RAB8B: variants seen among roughly 807,000 people sequenced by gnomAD.
RAB8B encodes RAB8B, member RAS oncogene family.
In RAB8B, 11 loss-of-function variants were observed where a neutral mutation model predicts 32.0. That is an observed-to-expected ratio of 0.34 (90% CI 0.22 to 0.57). The LOEUF (loss-of-function observed/expected upper bound fraction) is 0.57. RAB8B is among the 20% of genes least tolerant of loss of function. The pLI, the probability that RAB8B is intolerant of heterozygous loss-of-function variation, is 0.86. For synonymous variants in RAB8B, 103 were observed against 89.6 expected (o/e 1.15, Z -0.85); for missense variants, 190 against 258.5 (o/e 0.73, Z 1.82).
At chr15:63,217,530 T>C (rs990551020) in intron 1 of RAB8B, among the ~76,000 whole-genome samples, 2 of 152,254 alleles carry the variant, frequency 1.3e-5, no homozygotes, top group African/African-American at 2.4e-5. Context: ...GAGTCACTTA[T>C]GGCCATTTGA....
chr15:63,236,523 CAG>C (rs2037981614), intron 1 of RAB8B, among the ~76,000 whole-genome samples: 1 of 152,044 alleles, frequency 6.6e-6, no homozygotes, highest in African/African-American at 2.4e-5. Flanking sequence ...CAGGATGACT[CAG>C]GGTCATCATT....
At position 63,255,605 on chromosome 15, in the gene RAB8B, G is replaced by C. The variant is rs3784674; in HGVS notation, c.324+21G>C. ...AAGAGGTATGTGTGGAAAGAGAATG[G>C]TGACATTGGAGAAGAGTCCTGCTGG... On this transcript the variant is annotated intron_variant, in intron 4 of 7. Coordinates refer to ENST00000321437, the MANE Select transcript of RAB8B (RefSeq NM_016530.3). 1.6e-5 allele frequency: 25 copies of C among 1,555,828 alleles called. No individual in the cohort carries two copies. The East Asian group carries it at 5.2e-4, about 32-fold the overall frequency.
At chr15:63,205,046 C>T (rs768476375) in intron 1 of RAB8B, among the ~76,000 whole-genome samples, 1 of 152,090 alleles carries the variant, frequency 6.6e-6, no homozygotes, top group Non-Finnish European at 1.5e-5. Context: ...GCCTGTATTC[C>T]CAGCACTTTG....
rs1275723280 is a variant in RAB8B at position 63,263,986 on chromosome 15, C to G, written c.*367C>G. 1.2e-5 allele frequency: 2 copies of G among 170,582 alleles called. No individual in the cohort carries two copies. Among genetic ancestry groups the G allele is most frequent in the Non-Finnish European group, 2.5e-5 (2 of 78,660 alleles). 10.6% of individuals were successfully genotyped at this position (170,582 alleles called of 1,614,324 possible). On this transcript the variant is annotated 3_prime_UTR_variant, in exon 8 of 8. Transcript: ENST00000321437. ...TTGCACACTTTTGTGTCGTGAAGTT[C>G]TAGACAAATTTGTACATGTGGCAAT...
chr15:63,189,648 C>T lies in RAB8B; in HGVS notation c.24C>T (p.Leu8=), dbSNP rs2037536568. 6.2e-7 allele frequency: 1 copy of T among 1,614,002 alleles called. No homozygotes were observed. The highest frequency in any genetic ancestry group is 8.5e-7 in the Non-Finnish European group (1 of 1,179,914). The change falls in exon 1 of 8, where the codon CTC becomes CTT. Residue 8 remains leucine, a synonymous_variant. Coordinates refer to ENST00000321437, the MANE Select transcript of RAB8B (RefSeq NM_016530.3). The part of the protein sequence containing the change: MAKTYDY[L]FKLLLIGDSG... The stretch of plus-strand genomic sequence containing the variant: ...AGATGGCGAAGACGTACGATTATCT[C>T]TTCAAGCTCCTGCTGATCGGCGACT...
chr15:63,213,854 G>A (rs1230156044), intron 1 of RAB8B, among the ~76,000 whole-genome samples: 10 of 152,106 alleles, frequency 6.6e-5, no homozygotes, highest in Admixed American at 2.6e-4. Context: ...AGGCAGAGGC[G>A]GGCAGATCAC....
chr15:63,230,143 C>T (rs1245611794), intron 1 of RAB8B, among the ~76,000 whole-genome samples: 1 of 152,118 alleles, frequency 6.6e-6, no homozygotes, highest in East Asian at 1.9e-4. Flanking sequence ...AATTATCCTT[C>T]CATCACACTG....
intron 1 of RAB8B, among the ~76,000 whole-genome samples, chr15:63,241,555 C>T (rs971724834): frequency 9.2e-5 from 14 of 152,104 alleles, no homozygotes; most frequent in African/African-American, 3.1e-4. Context: ...GCAACTGATC[C>T]GTAGAACTAT....
rs781064067 is a variant in RAB8B at position 63,255,539 on chromosome 15, A to G, written c.279A>G (p.Glu93=). 1 of 1,606,788 alleles carries G rather than the reference A, an allele frequency of 6.2e-7. No homozygotes were observed. The highest frequency in any genetic ancestry group is 8.5e-7 in the Non-Finnish European group (1 of 1,173,282). ...TGCTGGTCTATGACATCACAAATGA[A>G]AAATCCTTTGACAATATTAAAAATT... ...GIMLVYDITN[E]KSFDNIKNWI... The change falls in exon 4 of 8, where the codon GAA becomes GAG. Residue 93 remains glutamate (E), a synonymous_variant. Transcript: ENST00000321437.
At chr15:63,234,540 T>G (rs760280795) in intron 1 of RAB8B, among the ~76,000 whole-genome samples, 2 of 152,192 alleles carry the variant, frequency 1.3e-5, no homozygotes, top group Non-Finnish European at 2.9e-5. Flanking sequence ...GTTGAAAGTT[T>G]CCTTCTTTCT....
intron 7 of RAB8B, among the ~76,000 whole-genome samples, chr15:63,263,157 T>C (rs887436491): frequency 3.9e-5 from 6 of 152,194 alleles, no homozygotes; most frequent in African/African-American, 1.4e-4. Flanking sequence ...TATAATTGCG[T>C]ACCTTATGCT....
At chr15:63,232,881 T>G (rs1052819478) in intron 1 of RAB8B, among the ~76,000 whole-genome samples, 3 of 152,074 alleles carry the variant, frequency 2.0e-5, no homozygotes, top group Non-Finnish European at 4.4e-5. Context: ...ACTTTAGACT[T>G]CCTAATTTTC....
rs1272117839 is a variant in RAB8B at position 63,259,208 on chromosome 15, C to A, written c.415-419C>A. Among the ~76,000 whole-genome samples the A allele has an allele frequency of 1.3e-5, 2 of 152,108 alleles. No individual in the cohort carries two copies. Among genetic ancestry groups the A allele is most frequent in the Admixed American group, 6.5e-5 (1 of 15,270 alleles). ...GATCTCGGCTTACTCCAACCTCTGC[C>A]TCCTGGGTTCAAGCAATTCTCCTGC... On this transcript the variant is annotated intron_variant, in intron 5 of 7. Coordinates refer to ENST00000321437, the MANE Select transcript of RAB8B (RefSeq NM_016530.3). This position sits in a 1 kb window ranked among gnomAD's most constrained non-coding sequence, Gnocchi z 4.4.
chr15:63,243,853 T>A (rs2038050929), intron 1 of RAB8B, among the ~76,000 whole-genome samples: 1 of 152,134 alleles, frequency 6.6e-6, no homozygotes, highest in African/African-American at 2.4e-5. Context: ...ACTCCAAGGG[T>A]ATGGCATCAG....
intron 1 of RAB8B, among the ~76,000 whole-genome samples, chr15:63,236,894 C>T (rs893788593): frequency 6.6e-6 from 1 of 152,186 alleles, no homozygotes; most frequent in South Asian, 2.1e-4. Context: ...CCACTTTCCC[C>T]TACCCCCCAC....
chr15:63,232,692 A>G (rs904266694), intron 1 of RAB8B, among the ~76,000 whole-genome samples: 17 of 152,154 alleles, frequency 1.1e-4, no homozygotes, highest in Non-Finnish European at 2.2e-4. Context: ...TTCTTAGTTT[A>G]TCAGGTTTTT....
chr15:63,189,850 C>T (rs1243577863), intron 1 of RAB8B, 102 bp downstream of exon 1: 1 of 1,291,832 alleles, frequency 7.7e-7, no homozygotes, highest in Non-Finnish European at 1.0e-6. Flanking sequence ...GGAGAGGAGA[C>T]CCCGGGGACT....
chr15:63,215,466 A>G (rs1439344944), intron 1 of RAB8B, among the ~76,000 whole-genome samples: 1 of 152,244 alleles, frequency 6.6e-6, no homozygotes, highest in Non-Finnish European at 1.5e-5. Context: ...TTAACGCTGT[A>G]TCTTTGTCAT....
In RAB8B at chr15:63,267,007, A is replaced by G. The variant is rs903152016; in HGVS notation, c.*3388A>G. 6.7e-6 allele frequency: 1 copy of G among 148,738 alleles called. No homozygotes were observed. Among genetic ancestry groups the G allele is most frequent in the Non-Finnish European group, 1.5e-5 (1 of 66,750 alleles). 9.2% of individuals were successfully genotyped at this position (148,738 alleles called of 1,614,324 possible). A position where few individuals can be genotyped will look rare whatever the true frequency, so the allele number is the denominator to read the frequency against. Reference sequence around the variant, plus strand: ...CATTTCTGCAATCAGGTTTCTCAGAATTTTTTTTTTTTAAACAGAAGAGAC... The same window carrying G: ...CATTTCTGCAATCAGGTTTCTCAGAGTTTTTTTTTTTTAAACAGAAGAGAC... On this transcript the variant is annotated 3_prime_UTR_variant, in exon 8 of 8. Transcript: ENST00000321437.
Sources: allele counts gnomAD v4.1 joint callset (sites outside exome capture counted in the v4.1 genomes callset), GRCh38; gene constraint gnomAD v4.1.1; non-coding constraint Gnocchi (gnomAD v3.1); transcripts MANE v1.5; gene names NCBI Gene and HGNC (gene_info 2026-07-23, HGNC 2026-07-21).